The following XKR4 variants were observed in gnomAD, a reference collection of about 807,000 sequenced individuals.
XKR4 encodes XK-related protein 4.
A neutral mutation model predicts 53.9 loss-of-function variants in XKR4; 12 were observed. That is an observed-to-expected ratio of 0.22 (90% CI 0.14 to 0.36). The LOEUF is 0.36. Ranked by LOEUF, XKR4 falls within the 10% of genes least tolerant of loss-of-function variation. The probability of loss-of-function intolerance (pLI) is 1.00; values close to 1 mark genes in which losing one functional copy is unlikely to be tolerated. For synonymous variants in XKR4, 354 were observed against 362.4 expected (o/e 0.98, Z 0.26); for missense variants, 799 against 859.5 (o/e 0.93, Z 0.88).
intron 2 of XKR4, among the ~76,000 whole-genome samples, chr8:55,493,099 G>T (rs189744955): frequency 6.6e-6 from 1 of 152,190 alleles, no homozygotes; most frequent in Non-Finnish European, 1.5e-5. Context: ...TATAGTATTG[G>T]TTCATTCAGA....
At chr8:55,466,977 A>G (rs746923798) in intron 2 of XKR4, among the ~76,000 whole-genome samples, 3 of 152,166 alleles carry the variant, frequency 2.0e-5, no homozygotes, top group Non-Finnish European at 4.4e-5. Context: ...CATGTTTGTG[A>G]CCTCACAGTT....
At chr8:55,121,824 A>G (rs1213596553) in intron 1 of XKR4, among the ~76,000 whole-genome samples, 1 of 112,954 alleles carries the variant, frequency 8.9e-6, no homozygotes, top group Non-Finnish European at 1.8e-5. Flanking sequence ...CACGGCACAA[A>G]TACAACATTA....
intron 2 of XKR4, among the ~76,000 whole-genome samples, chr8:55,420,823 T>TAAAA (rs1167659345): frequency 7.7e-6 from 1 of 130,284 alleles, no homozygotes; most frequent in African/African-American, 2.8e-5. Context: ...AATAAATAAA[T>TAAAA]AAAAAAGAAA....
At chr8:55,388,852 G>A (rs116158405) in intron 2 of XKR4, among the ~76,000 whole-genome samples, 7 of 152,254 alleles carry the variant, frequency 4.6e-5, no homozygotes, top group East Asian at 1.9e-4. Context: ...TTAATGACAC[G>A]TAATTGATGA....
intron 1 of XKR4, among the ~76,000 whole-genome samples, chr8:55,316,266 T>C (rs1819474315): frequency 6.6e-6 from 1 of 152,168 alleles, no homozygotes; most frequent in African/African-American, 2.4e-5. Context: ...ATCTTCCACA[T>C]CTTGTGACCA....
chr8:55,319,637 A>G (rs1474929143), intron 1 of XKR4, among the ~76,000 whole-genome samples: 5 of 152,226 alleles, frequency 3.3e-5, no homozygotes, highest in Non-Finnish European at 5.9e-5. Flanking sequence ...GGACACAACT[A>G]TGAAATTCAA....
intron 2 of XKR4, chr8:55,451,111 C>G: frequency 1.9e-6 from 1 of 519,784 alleles, no homozygotes; most frequent in South Asian, 2.0e-5. Context: ...CCTTTGTCCC[C>G]GAGGATGTAG....
rs114118344 is a variant in XKR4, at chr8:55,433,341, T to C, written c.1006+75464T>C. On this transcript the variant is annotated intron_variant, in intron 2 of 2. Transcript: ENST00000327381. ...GTGAGCCTATACAGAAGTCGCTAAATGATGACATTACACATAGGATTTAGT... is the reference window on the plus strand; with the variant it reads ...GTGAGCCTATACAGAAGTCGCTAAACGATGACATTACACATAGGATTTAGT... Among the ~76,000 whole-genome samples the C allele has an allele frequency of 2.6e-3, 391 of 152,374 alleles. 2 individuals carry two copies. Among genetic ancestry groups the C allele is most frequent in the African/African-American group, 8.9e-3 (372 of 41,592 alleles).
At chr8:55,126,176 A>C (rs1205325087) in intron 1 of XKR4, among the ~76,000 whole-genome samples, 1 of 152,250 alleles carries the variant, frequency 6.6e-6, no homozygotes, top group Non-Finnish European at 1.5e-5. Context: ...CAGCCCTTTC[A>C]TGCAGCTAGA....
At chr8:55,334,598 C>T (rs1321543935) in intron 1 of XKR4, among the ~76,000 whole-genome samples, 2 of 152,182 alleles carry the variant, frequency 1.3e-5, no homozygotes, top group Non-Finnish European at 2.9e-5. Flanking sequence ...CTGGACCCCT[C>T]TCTTCACTCC....
chr8:55,424,534 A>T (rs1470547281), intron 2 of XKR4, among the ~76,000 whole-genome samples: 1 of 152,232 alleles, frequency 6.6e-6, no homozygotes, highest in African/African-American at 2.4e-5. Context: ...CATCTAATAA[A>T]AGGCACTGCT....
intron 2 of XKR4, among the ~76,000 whole-genome samples, chr8:55,467,547 A>G (rs1028550033): frequency 6.6e-6 from 1 of 152,062 alleles, no homozygotes; most frequent in Non-Finnish European, 1.5e-5. Context: ...TCCCACAAAG[A>G]ATTTGCAAAT....
intron 2 of XKR4, among the ~76,000 whole-genome samples, chr8:55,466,030 C>T (rs552434111): frequency 2.7e-4 from 41 of 152,132 alleles, no homozygotes; most frequent in Non-Finnish European, 5.6e-4. Context: ...CACTTTTCCA[C>T]TGTTGGTGGG....
intron 1 of XKR4, among the ~76,000 whole-genome samples, chr8:55,172,599 G>A (rs1817177798): frequency 1.3e-5 from 2 of 152,116 alleles, no homozygotes; most frequent in South Asian, 2.1e-4. Flanking sequence ...AAGCAAACTT[G>A]TGCCTAAGTA....
chr8:55,378,539 A>G (rs1478583864), intron 2 of XKR4, among the ~76,000 whole-genome samples: 2 of 152,164 alleles, frequency 1.3e-5, no homozygotes, highest in Non-Finnish European at 2.9e-5. Flanking sequence ...AAATTCAGGA[A>G]AGTGGTTGCC....
intron 1 of XKR4, among the ~76,000 whole-genome samples, chr8:55,111,676 G>A (rs1314416059): frequency 6.6e-6 from 1 of 152,134 alleles, no homozygotes. Flanking sequence ...CTGATTCTAA[G>A]ATATATACCA....
chr8:55,254,974 T>C (rs1818417385), intron 1 of XKR4, among the ~76,000 whole-genome samples: 1 of 152,242 alleles, frequency 6.6e-6, no homozygotes, highest in Non-Finnish European at 1.5e-5. Context: ...AAGCTGATGC[T>C]TTCCGGATGC....
chr8:55,434,089 G>A (rs1020035837), intron 2 of XKR4, among the ~76,000 whole-genome samples: 1 of 151,992 alleles, frequency 6.6e-6, no homozygotes, highest in Non-Finnish European at 1.5e-5. Flanking sequence ...TCAAGATAAG[G>A]TGCTTCACTC....
At chr8:55,498,173 C>T (rs964579395) in intron 2 of XKR4, among the ~76,000 whole-genome samples, 17 of 152,238 alleles carry the variant, frequency 1.1e-4, no homozygotes, top group African/African-American at 3.9e-4. Flanking sequence ...GGACCACACA[C>T]CTCAGCCTCC....
Sources: allele counts gnomAD v4.1 joint callset (sites outside exome capture counted in the v4.1 genomes callset), GRCh38; gene constraint gnomAD v4.1.1; transcripts MANE v1.5; gene names NCBI Gene and HGNC (gene_info 2026-07-23, HGNC 2026-07-21).